Variants in DGLUCY observed in about 807,000 individuals in gnomAD.
The protein encoded by DGLUCY is D-glutamate cyclase, also known as D-glutamate cyclase, mitochondrial.
DGLUCY carries 58 observed loss-of-function variants against 58.5 expected under a neutral mutation model. That is an observed-to-expected ratio of 0.99 (90% CI 0.80 to 1.23). The LOEUF (loss-of-function observed/expected upper bound fraction) is 1.23, where lower values mean the gene tolerates loss of function less well. DGLUCY is among the 50% of genes most tolerant of loss of function. The probability of loss-of-function intolerance (pLI) is 0.00; values close to 1 mark genes in which losing one functional copy is unlikely to be tolerated. For missense variants in DGLUCY, 779 were observed against 784.7 expected (o/e 0.99, Z 0.09); for synonymous variants, 325 against 314.1 (o/e 1.03, Z -0.37).
At chr14:91,082,216 G>T (rs185181531) in intron 1 of DGLUCY, among the ~76,000 whole-genome samples, 1 of 152,196 alleles carries the variant, frequency 6.6e-6, no homozygotes, top group South Asian at 2.1e-4. Context: ...CAGTTTGACT[G>T]CATGCAACAC....
At chr14:91,210,300 G>T (rs1885463534) in intron 12 of DGLUCY, among the ~76,000 whole-genome samples, 1 of 152,134 alleles carries the variant, frequency 6.6e-6, no homozygotes, top group Non-Finnish European at 1.5e-5. Context: ...TACAGTTGGA[G>T]ACTTCAACAC....
chr14:91,132,502 A>G (rs147938235), intron 1 of DGLUCY, among the ~76,000 whole-genome samples: 3,917 of 148,872 alleles, frequency 0.026, 187 homozygotes, highest in African/African-American at 0.092. Context: ...TTCTTGAGAC[A>G]CAGTCTTGCT....
rs2044300959 is a variant in DGLUCY, at chr14:91,090,939, G to C, written c.-82+30235G>C. On this transcript the variant is annotated intron_variant, in intron 1 of 4. Coordinates refer to the DGLUCY transcript ENST00000521334. ...GCTTCTCCAAACACCTCAGCCTCTTGGTCTTCTACCCTTTGCCCTCTGCAA... is the reference window on the plus strand; with the variant it reads ...GCTTCTCCAAACACCTCAGCCTCTTCGTCTTCTACCCTTTGCCCTCTGCAA... 5 of 152,334 alleles carry C rather than the reference G, an allele frequency of 3.3e-5. No homozygotes were observed. The South Asian group carries it at 1.0e-3, about 32-fold the overall frequency. The allele number at this position is 152,334 out of a possible 1,614,324, so 9.4% of individuals were successfully genotyped here.
chr14:91,175,386 A>C (rs2140424704), intron 6 of DGLUCY, among the ~76,000 whole-genome samples: 1 of 152,292 alleles, frequency 6.6e-6, no homozygotes. Context: ...ACAACATTAG[A>C]CAGAACCTAG....
chr14:91,151,114 G>C (rs1237106985), intron 1 of DGLUCY, among the ~76,000 whole-genome samples: 1 of 152,142 alleles, frequency 6.6e-6, no homozygotes, highest in East Asian at 1.9e-4. Context: ...ACGTGCTCAG[G>C]GTTCACCCAT....
chr14:91,111,747 T>C (rs1378331330), upstream of DGLUCY, among the ~76,000 whole-genome samples: 4 of 152,240 alleles, frequency 2.6e-5, no homozygotes. Context: ...CATACAAATG[T>C]CAATGCATGA....
rs756064073 is a variant in DGLUCY, at chr14:91,215,547, G to T, written c.1707G>T (p.Ser569=). ...GDQAWTQALP[S]VIKEEKMLGI... ...AGGCCTGGACTCAGGCCCTCCCGTC[G>T]GTCATTAAGGTAACAAACCCCAGCC... Residue 569 remains serine, a synonymous_variant, in exon 13 of 14, where the codon TCG becomes TCT. Coordinates refer to ENST00000256324, the MANE Select transcript of DGLUCY (RefSeq NM_001102368.3). The T allele has an allele frequency of 6.2e-6, 10 of 1,613,670 alleles. No individual in the cohort carries two copies. Among genetic ancestry groups the T allele is most frequent in the Admixed American group, 1.7e-5 (1 of 60,014 alleles).
chr14:91,068,175 C>T (rs914787785), intron 1 of DGLUCY, among the ~76,000 whole-genome samples: 1 of 151,954 alleles, frequency 6.6e-6, no homozygotes, highest in Non-Finnish European at 1.5e-5. Context: ...AAGCAGTGTC[C>T]TCACCTTACC....
At chr14:91,187,795 G>A (rs997504714) in intron 8 of DGLUCY, among the ~76,000 whole-genome samples, 1 of 152,174 alleles carries the variant, frequency 6.6e-6, no homozygotes, top group Admixed American at 6.5e-5. Flanking sequence ...ATCTCAAGCT[G>A]TGCTGAGCCC....
chr14:91,159,725 A>C (rs1017771935), intron 2 of DGLUCY, among the ~76,000 whole-genome samples: 3 of 152,224 alleles, frequency 2.0e-5, no homozygotes, highest in Admixed American at 1.3e-4. Flanking sequence ...AAATAAGGGA[A>C]GTCACATGTC....
intron 1 of DGLUCY, among the ~76,000 whole-genome samples, chr14:91,155,379 C>G (rs529409809): frequency 6.6e-6 from 1 of 152,336 alleles, no homozygotes; most frequent in East Asian, 1.9e-4. Flanking sequence ...CTTACCACCA[C>G]TCAGTGAGGT....
upstream of DGLUCY, among the ~76,000 whole-genome samples, chr14:91,110,292 C>G (rs2044671374): frequency 6.6e-6 from 1 of 152,188 alleles, no homozygotes. Context: ...GTTTAACCTT[C>G]TGAGGCTCTG....
At chr14:91,083,112 A>G (rs1276004921) in intron 1 of DGLUCY, among the ~76,000 whole-genome samples, 1 of 152,148 alleles carries the variant, frequency 6.6e-6, no homozygotes, top group East Asian at 1.9e-4. Context: ...CCAACTTGCA[A>G]CCCTATGCCT....
intron 1 of DGLUCY, among the ~76,000 whole-genome samples, chr14:91,122,887 G>C (rs981821264): frequency 6.6e-6 from 1 of 152,128 alleles, no homozygotes; most frequent in South Asian, 2.1e-4. Context: ...GATTACAGGC[G>C]TGAGCCACGG....
At chr14:91,208,748 C>CA (rs1042457922) in intron 12 of DGLUCY, among the ~76,000 whole-genome samples, 20 of 150,994 alleles carry the variant, frequency 1.3e-4, no homozygotes, top group East Asian at 5.8e-4. Flanking sequence ...GACCCTGTCT[C>CA]AAAAAAAATA....
intron 4 of DGLUCY, chr14:91,167,798 T>G (rs1196500633): frequency 7.9e-6 from 5 of 630,802 alleles, no homozygotes; most frequent in Non-Finnish European, 1.1e-5. Flanking sequence ...GCCCTACTGA[T>G]GCTGGGTCGG....
chr14:91,186,214 A>G (rs2049508666), intron 8 of DGLUCY, among the ~76,000 whole-genome samples: 1 of 151,946 alleles, frequency 6.6e-6, no homozygotes, highest in Non-Finnish European at 1.5e-5. Flanking sequence ...TTACATCCCA[A>G]TTTTTTTATT....
chr14:91,170,320 C>A (rs918240293), intron 5 of DGLUCY, 119 bp downstream of exon 5: 2 of 1,121,252 alleles, frequency 1.8e-6, no homozygotes, highest in Non-Finnish European at 2.5e-6. Context: ...GCTCCAGCCC[C>A]AGCTCAGCCA....
At chr14:91,144,955 T>C (rs1302110465) in intron 1 of DGLUCY, among the ~76,000 whole-genome samples, 1 of 152,076 alleles carries the variant, frequency 6.6e-6, no homozygotes, top group African/African-American at 2.4e-5. Context: ...GCCTCAGGCT[T>C]TGTGTGAGTC....
Sources: allele counts gnomAD v4.1 joint callset (sites outside exome capture counted in the v4.1 genomes callset), GRCh38; gene constraint gnomAD v4.1.1; transcripts MANE v1.5; gene names NCBI Gene and HGNC (gene_info 2026-07-23, HGNC 2026-07-21).